The following PHRF1 variants were observed in gnomAD, a reference collection of about 807,000 sequenced individuals.
PHRF1 encodes PHD and RING finger domain-containing protein 1.
Under a neutral mutation model 128.9 loss-of-function variants are expected in PHRF1, and 53 were observed. The ratio of observed to expected loss-of-function variants is 0.41; its 90% confidence interval spans 0.33 to 0.52. The LOEUF (loss-of-function observed/expected upper bound fraction) is 0.52. Among genes scored for constraint, PHRF1 ranks in the 20% least tolerant of loss-of-function variants. The pLI is 0.21. For missense variants in PHRF1, 2,503 were observed against 2,284.5 expected (o/e 1.10, Z -1.95); for synonymous variants, 1,178 against 980.6 (o/e 1.20, Z -3.76).
intron 5 of PHRF1, among the ~76,000 whole-genome samples, chr11:592,214 CTTT>C (rs752462346): frequency 5.8e-5 from 8 of 138,618 alleles, no homozygotes; most frequent in Non-Finnish European, 4.8e-5. Flanking sequence ...CGTGCCCAGC[CTTT>C]TTTTTTTTTT....
intron 6 of PHRF1, among the ~76,000 whole-genome samples, chr11:594,903 G>T (rs901798219): frequency 6.6e-6 from 1 of 151,244 alleles, no homozygotes; most frequent in Non-Finnish European, 1.5e-5. Context: ...ATAAAACAAC[G>T]CAAGTACATA....
intron 14 of PHRF1, 112 bp from the exon 15 acceptor site, chr11:610,084 C>A: frequency 7.4e-7 from 1 of 1,347,806 alleles, no homozygotes; most frequent in Non-Finnish European, 9.9e-7. Context: ...GATCTGAGGG[C>A]TGCTCTGTGG....
In PHRF1 at chr11:611,574, G is replaced by A. The variant is rs1238593206; in HGVS notation, c.4807-60G>A. 1.0e-5 allele frequency: 16 copies of A among 1,608,010 alleles called. No individual in the cohort carries two copies. The Admixed American group carries it at 2.5e-4, about 25-fold the overall frequency. ...CGAGGGAGCCCAGCTTTGGCCCTGG[G>A]CTCTGGCCCGGAACATCTGGATGTG... is the stretch of plus-strand genomic sequence containing the variant. On this transcript the variant is annotated intron_variant, in intron 17 of 17. Coordinates refer to ENST00000264555, the MANE Select transcript of PHRF1 (RefSeq NM_001286581.2).
At chr11:576,995 C>T (rs749873447) in intron 1 of PHRF1, among the ~76,000 whole-genome samples, 8 of 152,168 alleles carry the variant, frequency 5.3e-5, no homozygotes, top group Non-Finnish European at 8.8e-5. Context: ...CGCTCTGTGG[C>T]ACCCACGCCC....
Position 609,590 on chromosome 11 carries a change from A to G in PHRF1, c.4134A>G (p.Val1378=). Residue 1378 remains valine (V), a synonymous_variant, in exon 14 of 18, where the codon GTA becomes GTG. Transcript: ENST00000264555. ...ACAGCCCCTCTGCGAGTGGGAGGGT[A>G]CAGGAGGCAGCCCGGCCTGAGGAGG... ...KEDSPSASGR[V]QEAARPEEVV... is the part of the protein sequence containing the mutation. The G allele has an allele frequency of 6.3e-7, 1 of 1,595,948 alleles. No individual in the cohort carries two copies. Among genetic ancestry groups the G allele is most frequent in the Non-Finnish European group, 8.5e-7 (1 of 1,172,778 alleles).
Position 605,589 on chromosome 11 carries a change from G to T in PHRF1, c.1335-16G>T, listed in dbSNP as rs764327163. On this transcript the variant is annotated splice_polypyrimidine_tract_variant and intron_variant, in intron 11 of 17. Coordinates refer to ENST00000264555, the MANE Select transcript of PHRF1 (RefSeq NM_001286581.2). Reference sequence around the variant, plus strand: ...GGGAGTCACTTGTTCCCTTTGGCCTGTGTCCTCCCCTCTAGCAGTGAAGAG... The same window carrying T: ...GGGAGTCACTTGTTCCCTTTGGCCTTTGTCCTCCCCTCTAGCAGTGAAGAG... 2.5e-6 allele frequency: 4 copies of T among 1,611,990 alleles called. No homozygotes were observed. The highest frequency in any genetic ancestry group is 3.4e-5 in the Admixed American group (2 of 59,626).
At position 598,485 on chromosome 11, in the gene PHRF1, G is replaced by A. The variant is rs375344387; in HGVS notation, c.1007G>A (p.Arg336Gln). ...CCCCTGACGCCGCGCACTCCCGCCC[G>A]ACGGAAGAGGAAGACAAGTAAGCCT... Reference protein sequence around the residue: ...QRPLTPRTPARRKRKTRRRKK... With the variant: ...QRPLTPRTPAQRKRKTRRRKK... Residue 336 changes from arginine (R) to glutamine (Q), a missense_variant, in exon 9 of 18, where the codon CGA (arginine) becomes CAA (glutamine). Physicochemically the swap from Arg to Gln is conservative, Grantham distance 43 (BLOSUM62 1). Coordinates refer to ENST00000264555, the MANE Select transcript of PHRF1 (RefSeq NM_001286581.2). The A allele has an allele frequency of 1.1e-5, 17 of 1,608,898 alleles. No individual in the cohort carries two copies. Among genetic ancestry groups the A allele is most frequent in the South Asian group, 2.2e-5 (2 of 90,840 alleles).
chr11:603,729 G>GTTTTTTTT (rs71022937), intron 10 of PHRF1, among the ~76,000 whole-genome samples: 17 of 78,228 alleles, frequency 2.2e-4, no homozygotes, highest in African/African-American at 4.3e-4. Context: ...ATTTAAGTTT[G>GTTTTTTTT]TTTTTTTTTT....
At chr11:584,720 C>T (rs1435624759) in intron 3 of PHRF1, among the ~76,000 whole-genome samples, 2 of 146,802 alleles carry the variant, frequency 1.4e-5, no homozygotes, top group East Asian at 2.0e-4. Context: ...CTTTTTATTT[C>T]TCCAGGACCT....
chr11:587,599 G>A (rs1837509684), intron 4 of PHRF1, 135 bp downstream of exon 4: 4 of 866,558 alleles, frequency 4.6e-6, no homozygotes, highest in Admixed American at 2.5e-5. Flanking sequence ...ACAGGATTGA[G>A]TCTGGCTTGG....
intron 4 of PHRF1, among the ~76,000 whole-genome samples, chr11:590,665 T>G (rs796243008): frequency 2.0e-5 from 3 of 152,246 alleles, no homozygotes; most frequent in African/African-American, 7.2e-5. Flanking sequence ...AAGGCAAAAA[T>G]AAATTTGCAA....
intron 10 of PHRF1, among the ~76,000 whole-genome samples, chr11:604,365 A>C (rs186527406): frequency 9.2e-5 from 14 of 152,372 alleles, no homozygotes; most frequent in Non-Finnish European, 1.9e-4. Context: ...CAGGCGATGA[A>C]GTCCCAGCCA....
intron 1 of PHRF1, among the ~76,000 whole-genome samples, chr11:581,220 G>A (rs1854182612): frequency 6.6e-6 from 1 of 152,122 alleles, no homozygotes; most frequent in African/African-American, 2.4e-5. Context: ...TCATGTGTAA[G>A]GCTTACTGGT....
In PHRF1 at chr11:597,221, T is replaced by TG. The variant is rs1253665125; in HGVS notation, c.719-168dup. On this transcript the variant is annotated intron_variant, in intron 7 of 17. Coordinates refer to ENST00000264555, the MANE Select transcript of PHRF1 (RefSeq NM_001286581.2). This position sits in a 1 kb window ranked among gnomAD's most constrained non-coding sequence, Gnocchi z 6.5. Reference sequence around the variant, plus strand: ...GGGGATGTGTGTGGGGTCCATTGGCTGGGGGGTTCCGGTCCTCAGTGTTAG... The same window carrying TG: ...GGGGATGTGTGTGGGGTCCATTGGCTGGGGGGGTTCCGGTCCTCAGTGTTAG... 6.6e-6 allele frequency among the ~76,000 whole-genome samples: 1 copy of TG among 151,532 alleles called. No individual in the cohort carries two copies. Among genetic ancestry groups the TG allele is most frequent in the Non-Finnish European group, 1.5e-5 (1 of 67,850 alleles).
chr11:585,680 C>CTTT lies in PHRF1; in HGVS notation c.215-1563_215-1561dup, dbSNP rs1212904400. ...AGCTTGAGGTAGTAGCTCTTCAACT[C>CTTT]TTTTTTTTTTTTTTTTTTGAGGTCG... On this transcript the variant is annotated intron_variant, in intron 3 of 17. Transcript: ENST00000264555. 2.0e-4 allele frequency among the ~76,000 whole-genome samples: 14 copies of CTTT among 70,372 alleles called. 4 individuals are homozygous for CTTT. The highest frequency in any genetic ancestry group is 3.0e-4 in the African/African-American group (4 of 13,502). 46.2% of individuals were successfully genotyped at this position (70,372 alleles called of 152,430 possible).
intron 9 of PHRF1, 124 bp from the exon 10 acceptor site, chr11:601,450 C>T: frequency 7.8e-7 from 1 of 1,282,476 alleles, no homozygotes; most frequent in Non-Finnish European, 1.1e-6. Flanking sequence ...AAAAAAATTG[C>T]AAGCCGGTGC....
At chr11:580,758 G>A (rs928043308) in intron 1 of PHRF1, among the ~76,000 whole-genome samples, 2 of 152,114 alleles carry the variant, frequency 1.3e-5, no homozygotes, top group African/African-American at 4.8e-5. Flanking sequence ...GCGCGATCTC[G>A]GCTCACTGCA....
In PHRF1 at chr11:608,991, C is replaced by T. The variant is rs555964793; in HGVS notation, c.3535C>T (p.Arg1179Trp). Residue 1179 changes from arginine (R) to tryptophan (W), a missense_variant, in exon 14 of 18, where the codon CGG (arginine) becomes TGG (tryptophan). Coordinates refer to ENST00000264555, the MANE Select transcript of PHRF1 (RefSeq NM_001286581.2). Reference sequence around the variant, plus strand: ...CAGGGCACGGGAGCACAGGCGGCCTCGGTCCCGTGAGAAGTGGCCGCAGAC... The same window carrying T: ...CAGGGCACGGGAGCACAGGCGGCCTTGGTCCCGTGAGAAGTGGCCGCAGAC... ...EHRAREHRRP[R>W]SREKWPQTRS... 150 of 1,604,760 alleles carry T rather than the reference C, an allele frequency of 9.3e-5. No individual in the cohort carries two copies. Among genetic ancestry groups the T allele is most frequent in the Middle Eastern group, 1.7e-4 (1 of 6,046 alleles).
chr11:603,119 A>G (rs368121230), intron 10 of PHRF1, among the ~76,000 whole-genome samples: 81 of 152,012 alleles, frequency 5.3e-4, no homozygotes, highest in African/African-American at 1.9e-3. Flanking sequence ...CAATGGCTCA[A>G]TCCCAGCTCA....
Sources: gnomAD v4.1 joint callset for allele counts (sites outside exome capture counted in the v4.1 genomes callset) on GRCh38, gnomAD v4.1.1 for gene constraint, Gnocchi (gnomAD v3.1) non-coding constraint, MANE v1.5 for transcripts, NCBI Gene and HGNC (gene_info 2026-07-23, HGNC 2026-07-21) for gene names.